LMX1A: variants seen among roughly 807,000 people sequenced by gnomAD.
The protein encoded by LMX1A is LIM homeobox transcription factor 1 alpha.
Under a neutral mutation model 49.1 loss-of-function variants are expected in LMX1A, and 15 were observed. The observed-to-expected ratio is 0.31, with a 90% CI of 0.20 to 0.47. The LOEUF (loss-of-function observed/expected upper bound fraction) is 0.47. LMX1A is among the 20% of genes least tolerant of loss of function. The probability of loss-of-function intolerance (pLI) is 1.00; values close to 1 mark genes in which losing one functional copy is unlikely to be tolerated. For synonymous variants in LMX1A, 167 were observed against 185.7 expected (o/e 0.90, Z 0.82); for missense variants, 372 against 475.8 (o/e 0.78, Z 2.03).
At chr1:165,337,677 G>A (rs1448417071) in intron 3 of LMX1A, among the ~76,000 whole-genome samples, 3 of 152,136 alleles carry the variant, frequency 2.0e-5, no homozygotes, top group Non-Finnish European at 4.4e-5. Context: ...TTTTAAAATA[G>A]CTTGCTTGTG....
chr1:165,250,802 G>A (rs897515521), intron 3 of LMX1A, among the ~76,000 whole-genome samples: 8 of 152,280 alleles, frequency 5.3e-5, no homozygotes, highest in African/African-American at 1.9e-4. Flanking sequence ...AGCAGGGGGT[G>A]CATTTAGTAT....
chr1:165,239,080 AT>A (rs11333824), intron 4 of LMX1A, among the ~76,000 whole-genome samples: 151,888 of 152,330 alleles, frequency 1, 75,723 homozygotes, highest in Middle Eastern at 1. Context: ...AAAAATCATG[AT>A]GTGATCATTT....
chr1:165,267,658 T>C (rs952042552), intron 3 of LMX1A, among the ~76,000 whole-genome samples: 3 of 152,056 alleles, frequency 2.0e-5, no homozygotes, highest in Non-Finnish European at 4.4e-5. Context: ...AGGTAAGAGA[T>C]GACAGAGACT....
intron 3 of LMX1A, among the ~76,000 whole-genome samples, chr1:165,297,031 T>C (rs2101721042): frequency 6.6e-6 from 1 of 152,364 alleles, no homozygotes; most frequent in South Asian, 2.1e-4. Context: ...TCATTTTCTG[T>C]GTGTCTGTCT....
chr1:165,259,220 C>T (rs1419724809), intron 3 of LMX1A, among the ~76,000 whole-genome samples: 1 of 152,066 alleles, frequency 6.6e-6, no homozygotes, highest in Admixed American at 6.5e-5. Flanking sequence ...GAGAAGACAC[C>T]AACAAACAAC....
At chr1:165,332,466 A>G (rs2101753621) in intron 3 of LMX1A, among the ~76,000 whole-genome samples, 1 of 152,334 alleles carries the variant, frequency 6.6e-6, no homozygotes, top group African/African-American at 2.4e-5. Flanking sequence ...ATTACACTAT[A>G]TATAACATAT....
chr1:165,317,899 C>G lies in LMX1A; in HGVS notation c.263+35177G>C, dbSNP rs576706510. ...AAATTCAGGAAGCAATTAATAGTTGCCACAAAAGCAACATGATTCAGGGTG... is the reference window on the plus strand; with the variant it reads ...AAATTCAGGAAGCAATTAATAGTTGGCACAAAAGCAACATGATTCAGGGTG... On this transcript the variant is annotated intron_variant, in intron 3 of 8. Transcript: ENST00000342310. Among the ~76,000 whole-genome samples, 142 of 152,320 alleles carry G rather than the reference C, an allele frequency of 9.3e-4. 1 individual carries two copies. The highest frequency in any genetic ancestry group is 5.1e-3 in the Admixed American group (78 of 15,286).
At chr1:165,294,229 A>G (rs1026426592) in intron 3 of LMX1A, among the ~76,000 whole-genome samples, 2 of 151,856 alleles carry the variant, frequency 1.3e-5, no homozygotes, top group Non-Finnish European at 2.9e-5. Context: ...AAGCCTAGAT[A>G]CTGCAGTTAC....
intron 3 of LMX1A, among the ~76,000 whole-genome samples, chr1:165,333,322 T>G (rs556794791): frequency 6.6e-6 from 1 of 152,268 alleles, no homozygotes; most frequent in African/African-American, 2.4e-5. Flanking sequence ...CACGCCCGGC[T>G]AATTTTTTAT....
chr1:165,222,619 A>T (rs562596413), intron 4 of LMX1A, among the ~76,000 whole-genome samples: 1 of 152,346 alleles, frequency 6.6e-6, no homozygotes, highest in East Asian at 1.9e-4. Flanking sequence ...TAAGTTGACT[A>T]ACACTCAAAA....
At chr1:165,307,599 A>G (rs1465259794) in intron 3 of LMX1A, among the ~76,000 whole-genome samples, 2 of 152,204 alleles carry the variant, frequency 1.3e-5, no homozygotes, top group Admixed American at 6.5e-5. Context: ...CATGCTATAC[A>G]TATGTGCTGA....
At chr1:165,306,649 A>T (rs967057589) in intron 3 of LMX1A, among the ~76,000 whole-genome samples, 1 of 152,186 alleles carries the variant, frequency 6.6e-6, no homozygotes, top group Non-Finnish European at 1.5e-5. Flanking sequence ...CTCTTTCTGT[A>T]TTTTCCTGTA....
intron 3 of LMX1A, among the ~76,000 whole-genome samples, chr1:165,289,533 C>T (rs1654400491): frequency 6.6e-6 from 1 of 152,220 alleles, no homozygotes. Context: ...AGTAATTCAG[C>T]ATGTAAAATG....
intron 4 of LMX1A, chr1:165,218,709 T>C (rs961966923): frequency 1.3e-5 from 2 of 152,210 alleles, no homozygotes; most frequent in African/African-American, 4.8e-5. Flanking sequence ...GCCAGGAGAC[T>C]GCCCCCAGAA....
At chr1:165,339,004 C>T (rs1655983539) in intron 3 of LMX1A, among the ~76,000 whole-genome samples, 1 of 152,210 alleles carries the variant, frequency 6.6e-6, no homozygotes. Context: ...TGTTTGTGAG[C>T]ATGTTCCACA....
At chr1:165,309,703 G>A (rs1571215255) in intron 3 of LMX1A, among the ~76,000 whole-genome samples, 2 of 152,202 alleles carry the variant, frequency 1.3e-5, no homozygotes, top group East Asian at 3.9e-4. Context: ...GGATGCTCAA[G>A]AAGACCAGTG....
intron 3 of LMX1A, among the ~76,000 whole-genome samples, chr1:165,286,494 G>A (rs1410319434): frequency 3.9e-5 from 6 of 152,118 alleles, no homozygotes; most frequent in Admixed American, 3.9e-4. Context: ...CTGAGGTTCT[G>A]GTACTTGGTT....
At chr1:165,230,823 T>C (rs562693049) in intron 4 of LMX1A, among the ~76,000 whole-genome samples, 1 of 152,162 alleles carries the variant, frequency 6.6e-6, no homozygotes, top group African/African-American at 2.4e-5. Flanking sequence ...TCAGGTCCAG[T>C]GCTCCTTCCC....
chr1:165,281,730 T>TTGTGTGTGTG (rs61207728), intron 3 of LMX1A, among the ~76,000 whole-genome samples: 2 of 149,642 alleles, frequency 1.3e-5, no homozygotes, highest in African/African-American at 4.9e-5. Context: ...AGGCAATATT[T>TTGTGTGTGTG]TGTGTGTGTG....
Sources: gnomAD v4.1 joint callset for allele counts (sites outside exome capture counted in the v4.1 genomes callset) on GRCh38, gnomAD v4.1.1 for gene constraint, MANE v1.5 for transcripts, NCBI Gene and HGNC (gene_info 2026-07-23, HGNC 2026-07-21) for gene names.